TENM2: variants seen among roughly 807,000 people sequenced by gnomAD.
TENM2 encodes teneurin transmembrane protein 2, also known as teneurin-2.
A neutral mutation model predicts 245.2 loss-of-function variants in TENM2; 52 were observed. The ratio of observed to expected loss-of-function variants is 0.21; its 90% CI spans 0.17 to 0.27. TENM2 has a LOEUF of 0.27. Among genes scored for constraint, TENM2 ranks in the 10% least tolerant of loss-of-function variants. TENM2 has a pLI of 1.00. For synonymous variants in TENM2, 1,363 were observed against 1,438.9 expected, an observed-to-expected ratio of 0.95 and a Z score of 1.19; for missense variants, 3,046 against 3,666.8, an observed-to-expected ratio of 0.83 and a Z score of 4.37.
At chr5:166,982,939 G>A in the TENM2 span, among the ~76,000 whole-genome samples, 2 of 152,088 alleles carry the variant, frequency 1.3e-5, no homozygotes, top group Non-Finnish European at 2.9e-5. Flanking sequence ...CTTATTTGCT[G>A]AGAGCAAATA....
At chr5:168,095,640 A>C (rs1793303194) in intron 8 of TENM2, among the ~76,000 whole-genome samples, 1 of 152,174 alleles carries the variant, frequency 6.6e-6, no homozygotes, top group South Asian at 2.1e-4. Flanking sequence ...TTTGCATATG[A>C]GGGGACTATA....
At chr5:168,031,128 G>C (rs1405050484) in intron 5 of TENM2, among the ~76,000 whole-genome samples, 2 of 152,188 alleles carry the variant, frequency 1.3e-5, no homozygotes, top group Admixed American at 6.5e-5. Flanking sequence ...CCTCTGTCAA[G>C]CTTCACCACA....
At chr5:167,909,894 G>C (rs1048086551) in intron 3 of TENM2, among the ~76,000 whole-genome samples, 4 of 147,680 alleles carry the variant, frequency 2.7e-5, no homozygotes, top group Non-Finnish European at 5.9e-5. Context: ...GCCTGGCTTT[G>C]AAATTGTGAG....
chr5:167,988,219 G>T (rs139399164), intron 4 of TENM2, among the ~76,000 whole-genome samples: 3,395 of 152,270 alleles, frequency 0.022, 56 homozygotes, highest in Non-Finnish European at 0.037. Flanking sequence ...AATTAAAAAT[G>T]TTCACAGCAC....
intron 7 of TENM2, among the ~76,000 whole-genome samples, chr5:168,066,749 G>C (rs1364507614): frequency 6.6e-6 from 1 of 152,152 alleles, no homozygotes; most frequent in Admixed American, 6.5e-5. Context: ...AATTCTTATG[G>C]GGATGGTATG....
intron 1 of TENM2, among the ~76,000 whole-genome samples, chr5:167,368,174 A>G (rs1258232446): frequency 6.6e-6 from 1 of 152,180 alleles, no homozygotes; most frequent in Non-Finnish European, 1.5e-5. Flanking sequence ...AAAAAAATAA[A>G]CCTAATTATC....
intron 2 of TENM2, among the ~76,000 whole-genome samples, chr5:167,674,903 G>C (rs1756213511): frequency 6.6e-6 from 1 of 152,064 alleles, no homozygotes; most frequent in East Asian, 1.9e-4. Flanking sequence ...TTTTTACATT[G>C]TTGGGCTCTG....
At chr5:167,340,347 A>G (rs977711913) in intron 1 of TENM2, among the ~76,000 whole-genome samples, 1 of 152,212 alleles carries the variant, frequency 6.6e-6, no homozygotes, top group Non-Finnish European at 1.5e-5. Context: ...CCAGGGTGCA[A>G]TAACAAAATA....
chr5:167,619,376 T>C (rs980112416), intron 2 of TENM2, among the ~76,000 whole-genome samples: 2 of 152,156 alleles, frequency 1.3e-5, no homozygotes, highest in African/African-American at 4.8e-5. Flanking sequence ...GAGATTGGCA[T>C]TCTGACTCTA....
intron 2 of TENM2, among the ~76,000 whole-genome samples, chr5:167,683,046 T>C (rs1756840033): frequency 6.6e-6 from 1 of 152,176 alleles, no homozygotes; most frequent in South Asian, 2.1e-4. Context: ...CTCAAGACAT[T>C]ACTGCTTTTA....
At chr5:167,353,919 A>G (rs1254290688) in intron 1 of TENM2, among the ~76,000 whole-genome samples, 2 of 152,192 alleles carry the variant, frequency 1.3e-5, no homozygotes, top group Admixed American at 1.3e-4. Context: ...CTGTTTTATA[A>G]TTTTTATCTG....
intron 3 of TENM2, among the ~76,000 whole-genome samples, chr5:167,908,176 A>G (rs1776251666): frequency 6.6e-6 from 1 of 152,178 alleles, no homozygotes; most frequent in African/African-American, 2.4e-5. Flanking sequence ...TTCTCTTGTT[A>G]GAACCACACA....
chr5:167,096,442 C>T, the TENM2 span, among the ~76,000 whole-genome samples: 1 of 152,120 alleles, frequency 6.6e-6, no homozygotes, highest in South Asian at 2.1e-4. Context: ...TTACGGTGGC[C>T]CCGATGAGTC....
At chr5:167,223,252 C>T in the TENM2 span, among the ~76,000 whole-genome samples, 7 of 152,104 alleles carry the variant, frequency 4.6e-5, no homozygotes, top group African/African-American at 1.7e-4. Flanking sequence ...ACACCCTACT[C>T]TTCCTTGGAT....
the TENM2 span, among the ~76,000 whole-genome samples, chr5:167,120,022 C>T: frequency 6.6e-6 from 1 of 152,034 alleles, no homozygotes; most frequent in Non-Finnish European, 1.5e-5. Context: ...GTAGGCAAAG[C>T]TAAACCAAAT....
At chr5:167,392,068 T>C (rs1340058225) in intron 2 of TENM2, among the ~76,000 whole-genome samples, 1 of 152,064 alleles carries the variant, frequency 6.6e-6, no homozygotes, top group Non-Finnish European at 1.5e-5. Flanking sequence ...TGGCTTCCGG[T>C]GTTGGTGTGG....
the TENM2 span, among the ~76,000 whole-genome samples, chr5:167,214,803 A>G: frequency 1.6e-4 from 24 of 152,318 alleles, no homozygotes; most frequent in African/African-American, 5.3e-4. Context: ...AGCAGCAGAC[A>G]GATTTGCCTT....
chr5:168,073,558 G>C lies in TENM2; in HGVS notation c.1515+11293G>C, dbSNP rs557513182. Among the ~76,000 whole-genome samples, 95 of 152,292 alleles carry C rather than the reference G, an allele frequency of 6.2e-4. 4 individuals carry two copies. The South Asian group carries it at 0.018, about 30-fold the overall frequency. ...CTCCGACAGAGCAAGAGTGACCTAG[G>C]GGGGCAGCCCCTCTGGAAGTTTAAT... On this transcript the variant is annotated intron_variant, in intron 7 of 28. Coordinates refer to ENST00000518659, the Ensembl canonical transcript of TENM2.
chr5:168,228,075 G>A, exon 25 of TENM2: 4 of 1,613,858 alleles, frequency 2.5e-6, no homozygotes, highest in Non-Finnish European at 3.4e-6. Context: ...ATTGAGTGGC[G>A]CCTAAGAAAG....
Sources: gnomAD v4.1 joint callset for allele counts (sites outside exome capture counted in the v4.1 genomes callset) on GRCh38, gnomAD v4.1.1 for gene constraint, MANE v1.5 for transcripts, NCBI Gene and HGNC (gene_info 2026-07-23, HGNC 2026-07-21) for gene names.